Variants in CROCC observed in about 807,000 individuals in gnomAD.
CROCC encodes rootletin.
Under a neutral mutation model 245.2 loss-of-function variants are expected in CROCC, and 180 were observed. The ratio of observed to expected loss-of-function variants is 0.73; its 90% CI spans 0.65 to 0.83. The LOEUF (loss-of-function observed/expected upper bound fraction) is 0.83. Among genes scored for constraint, CROCC ranks in the 40% least tolerant of loss-of-function variants. The probability of loss-of-function intolerance (pLI) is 0.00; values close to 1 mark genes in which losing one functional copy is unlikely to be tolerated. For synonymous variants in CROCC, 1,205 were observed against 1,241.6 expected (o/e 0.97, Z 0.62); for missense variants, 2,688 against 2,779.4 (o/e 0.97, Z 0.74).
intron 25 of CROCC, 115 bp from the exon 26 acceptor site, chr1:16,958,468 G>C: frequency 7.9e-7 from 1 of 1,259,762 alleles, no homozygotes. Flanking sequence ...CAGTGGATGT[G>C]GGGTGGTATT....
intron 26 of CROCC, among the ~76,000 whole-genome samples, chr1:16,959,658 T>A (rs2076298737): frequency 6.6e-6 from 1 of 152,196 alleles, no homozygotes. Flanking sequence ...TTTGTGTCTG[T>A]GTGACCATGC....
Position 16,951,211 on chromosome 1 carries a change from T to A in CROCC, c.3006+89T>A, listed in dbSNP as rs2076154493. On this transcript the variant is annotated intron_variant, in intron 20 of 36. Coordinates refer to ENST00000375541, the MANE Select transcript of CROCC (RefSeq NM_014675.5). ...TGCCTCGGTCTCTACATCTGTGAAA[T>A]GGGACTTCCTCTCTGTTGTGGAGGT... is the stretch of plus-strand genomic sequence containing the variant. 5 of 1,200,018 alleles carry A rather than the reference T, an allele frequency of 4.2e-6. No homozygotes were observed. The South Asian group carries it at 8.0e-5, about 19-fold the overall frequency. The allele number at this position is 1,200,018 out of a possible 1,614,324, so 74.3% of individuals were successfully genotyped here. A position where few individuals can be genotyped will look rare whatever the true frequency, so the allele number is the denominator to read the frequency against.
chr1:16,939,612 C>T (rs1386582886), intron 12 of CROCC, among the ~76,000 whole-genome samples: 2 of 152,198 alleles, frequency 1.3e-5, no homozygotes, highest in East Asian at 3.8e-4. Flanking sequence ...GGGATCAGAA[C>T]CCAGGAGACG....
chr1:16,972,264 A>G (rs772033879), intron 36 of CROCC, 96 bp from the exon 37 acceptor site: 7 of 937,112 alleles, frequency 7.5e-6, no homozygotes, highest in Non-Finnish European at 1.2e-5. Context: ...CTTTCCTGAA[A>G]CTGTGGCACT....
At chr1:16,918,816 A>G (rs1235183557), upstream of CROCC, among the ~76,000 whole-genome samples, 1 of 150,210 alleles carries the variant, frequency 6.7e-6, no homozygotes, top group Non-Finnish European at 1.5e-5. Flanking sequence ...AGCTCACTGC[A>G]ACCTCTGCCT....
intron 3 of CROCC, among the ~76,000 whole-genome samples, 168 bp from the exon 4 acceptor site, chr1:16,929,678 A>G (rs6586568): frequency 0.097 from 14,531 of 149,254 alleles, no homozygotes; most frequent in African/African-American, 0.2. Flanking sequence ...ATCACCCCAT[A>G]CACACGTGCA....
chr1:16,971,859 C>T (rs80211784), intron 36 of CROCC, among the ~76,000 whole-genome samples: 2 of 152,242 alleles, frequency 1.3e-5, no homozygotes, highest in African/African-American at 4.8e-5. Flanking sequence ...TCTGTTCCCC[C>T]TGGCTCCATG....
chr1:16,928,764 T>C (rs111629831), intron 3 of CROCC, among the ~76,000 whole-genome samples: 22,102 of 145,520 alleles, frequency 0.15, no homozygotes, highest in East Asian at 0.4. Flanking sequence ...GATCGAGCCA[T>C]TGCACTCCAG....
At chr1:16,968,082 CAGGTCACGT>C in intron 30 of CROCC, 112 bp from the exon 31 acceptor site, 1 of 972,876 alleles carries the variant, frequency 1.0e-6, no homozygotes, top group Non-Finnish European at 1.6e-6. Flanking sequence ...AGGCCGGCCC[CAGGTCACGT>C]AGGTCACCCT....
At chr1:16,936,505 G>A (rs537335596) in intron 8 of CROCC, 132 bp from the exon 9 acceptor site, 37 of 904,368 alleles carry the variant, frequency 4.1e-5, no homozygotes, top group Middle Eastern at 2.2e-4. Flanking sequence ...CTGACCTCAC[G>A]TGATCTGCCC....
intron 20 of CROCC, among the ~76,000 whole-genome samples, chr1:16,952,136 C>T (rs1470105567): frequency 6.6e-6 from 1 of 151,182 alleles, no homozygotes; most frequent in Non-Finnish European, 1.5e-5. Flanking sequence ...ATCTGCCCAC[C>T]TCGGCCTCCC....
At chr1:16,920,159 A>T (rs1196596761), upstream of CROCC, among the ~76,000 whole-genome samples, 1 of 152,182 alleles carries the variant, frequency 6.6e-6, no homozygotes, top group African/African-American at 2.4e-5. Context: ...CCTCACTGCA[A>T]CCTCTGCCTC....
chr1:16,935,307 G>A (rs1455136624), intron 8 of CROCC, among the ~76,000 whole-genome samples: 2 of 152,208 alleles, frequency 1.3e-5, no homozygotes, highest in East Asian at 1.9e-4. Flanking sequence ...TTGCATATAC[G>A]CCTGGTAAAA....
chr1:16,960,688 C>G, intron 26 of CROCC, 70 bp from the exon 27 acceptor site: 1 of 1,401,218 alleles, frequency 7.1e-7, no homozygotes, highest in Non-Finnish European at 9.3e-7. Flanking sequence ...GGGCTCCAGT[C>G]TGGGCCTTAG....
intron 20 of CROCC, 86 bp downstream of exon 20, chr1:16,951,208 A>C: frequency 1.6e-6 from 2 of 1,212,618 alleles, no homozygotes; most frequent in Non-Finnish European, 2.2e-6. Flanking sequence ...TACATCTGTG[A>C]AATGGGACTT....
upstream of CROCC, among the ~76,000 whole-genome samples, chr1:16,918,883 C>A (rs1423060212): frequency 6.6e-6 from 1 of 152,238 alleles, no homozygotes; most frequent in Non-Finnish European, 1.5e-5. Flanking sequence ...ACTACAGGCA[C>A]CCACCACCAT....
At chr1:16,949,486 A>C (rs1356245118) in intron 19 of CROCC, among the ~76,000 whole-genome samples, 1 of 152,252 alleles carries the variant, frequency 6.6e-6, no homozygotes, top group Non-Finnish European at 1.5e-5. Flanking sequence ...GATGGTTTTT[A>C]GATGGTAGCT....
intron 25 of CROCC, 23 bp from the exon 26 acceptor site, chr1:16,958,560 C>A: frequency 6.5e-7 from 1 of 1,549,200 alleles, no homozygotes. Context: ...GCTGAACCTG[C>A]TGCCATTCCC....
intron 35 of CROCC, 61 bp from the exon 36 acceptor site, chr1:16,971,404 T>A (rs140221456): frequency 6.9e-7 from 1 of 1,459,004 alleles, no homozygotes; most frequent in East Asian, 2.6e-5. Flanking sequence ...TGACAACCCG[T>A]CACACATGCA....
Sources: gnomAD v4.1 joint callset for allele counts (sites outside exome capture counted in the v4.1 genomes callset) on GRCh38, gnomAD v4.1.1 for gene constraint, MANE v1.5 for transcripts, NCBI Gene and HGNC (gene_info 2026-07-23, HGNC 2026-07-21) for gene names.